TCF7L1: variants seen among roughly 807,000 people sequenced by gnomAD.
TCF7L1 encodes the protein transcription factor 7-like 1.
Under a neutral mutation model 63.7 loss-of-function variants are expected in TCF7L1, and 18 were observed. That is an observed-to-expected ratio of 0.28 (90% CI 0.20 to 0.42). TCF7L1 has a LOEUF of 0.42. Among genes scored for constraint, TCF7L1 ranks in the 10% least tolerant of loss-of-function variants. The probability of loss-of-function intolerance (pLI) is 1.00; values close to 1 mark genes in which losing one functional copy is unlikely to be tolerated. For missense variants in TCF7L1, 654 were observed against 779.3 expected (o/e 0.84, Z 1.91); for synonymous variants, 355 against 340.9 (o/e 1.04, Z -0.46).
At chr2:85,307,745 C>T (rs1315149426) in intron 11 of TCF7L1, 28 bp downstream of exon 11, 5 of 1,603,344 alleles carry the variant, frequency 3.1e-6, no homozygotes, top group Non-Finnish European at 4.3e-6. Flanking sequence ...GGCCTCTTCT[C>T]CTGCTTTTCC....
chr2:85,143,429 T>G (rs1677792322), intron 3 of TCF7L1, among the ~76,000 whole-genome samples: 1 of 151,986 alleles, frequency 6.6e-6, no homozygotes, highest in Admixed American at 6.6e-5. Context: ...CGGCTGCTCT[T>G]TTTGGCTGGT....
intron 3 of TCF7L1, among the ~76,000 whole-genome samples, chr2:85,274,826 C>T (rs569562365): frequency 1.2e-4 from 18 of 152,264 alleles, no homozygotes; most frequent in Non-Finnish European, 4.4e-5. Context: ...CCTAGAATAC[C>T]AATAACTTAC....
chr2:85,263,329 G>A (rs1680899551), intron 3 of TCF7L1, among the ~76,000 whole-genome samples: 1 of 148,102 alleles, frequency 6.8e-6, no homozygotes, highest in Non-Finnish European at 1.5e-5. Flanking sequence ...AGGGGGGGAA[G>A]TAATGCAATC....
intron 3 of TCF7L1, among the ~76,000 whole-genome samples, chr2:85,156,544 CTG>C (rs1678150759): frequency 6.6e-6 from 1 of 152,170 alleles, no homozygotes; most frequent in Non-Finnish European, 1.5e-5. Flanking sequence ...AAATGGGACT[CTG>C]TATGTATATG....
intron 3 of TCF7L1, among the ~76,000 whole-genome samples, chr2:85,144,717 C>G (rs71337779): frequency 0.15 from 14,502 of 98,328 alleles, 964 homozygotes; most frequent in East Asian, 0.39. Context: ...CTCTCTCTCT[C>G]TCTGTGTGTG....
At chr2:85,211,961 G>A (rs544656141) in intron 3 of TCF7L1, among the ~76,000 whole-genome samples, 1 of 151,804 alleles carries the variant, frequency 6.6e-6, no homozygotes, top group Admixed American at 6.6e-5. Context: ...GTGGTGGCAC[G>A]CGCCTGTAAT....
chr2:85,256,782 C>A (rs927274578), intron 3 of TCF7L1, among the ~76,000 whole-genome samples: 1 of 151,964 alleles, frequency 6.6e-6, no homozygotes, highest in Non-Finnish European at 1.5e-5. Context: ...GTCAGGAGTT[C>A]GAGACCAGCC....
intron 3 of TCF7L1, among the ~76,000 whole-genome samples, chr2:85,275,686 AGGC>A (rs1456627819): frequency 6.6e-6 from 1 of 152,082 alleles, no homozygotes; most frequent in Non-Finnish European, 1.5e-5. Flanking sequence ...TGGGAGGTGA[AGGC>A]GGGCAGATCA....
chr2:85,180,804 C>T (rs1678788667), intron 3 of TCF7L1, among the ~76,000 whole-genome samples: 1 of 152,176 alleles, frequency 6.6e-6, no homozygotes, highest in Non-Finnish European at 1.5e-5. Context: ...TGTCACTAGT[C>T]CCATTTATAG....
Position 85,302,483 on chromosome 2 carries a change from G to A in TCF7L1, c.526-1G>A. On this transcript the variant is annotated splice_acceptor_variant, in intron 4 of 11. Transcript: ENST00000282111. LOFTEE classifies it high-confidence loss of function. ...TTCCTGGTCTTTTTTGTCTCTTTCA[G>A]TCTAATAAAGTTCCTGTCGTTCAGC... 1 of 1,614,050 alleles carries A rather than the reference G, an allele frequency of 6.2e-7. No individual in the cohort carries two copies. Among genetic ancestry groups the A allele is most frequent in the Non-Finnish European group, 8.5e-7 (1 of 1,180,036 alleles).
intron 3 of TCF7L1, among the ~76,000 whole-genome samples, chr2:85,152,360 G>C (rs1440030870): frequency 6.6e-6 from 1 of 151,840 alleles, no homozygotes; most frequent in African/African-American, 2.4e-5. Flanking sequence ...ACTAGAGGTA[G>C]AATATAATAT....
chr2:85,217,964 C>G (rs944423830), intron 3 of TCF7L1, among the ~76,000 whole-genome samples: 4 of 152,060 alleles, frequency 2.6e-5, no homozygotes, highest in African/African-American at 9.7e-5. Context: ...CAGTTTTTAT[C>G]AAAATAATTT....
At chr2:85,203,113 G>A (rs1251334856) in intron 3 of TCF7L1, among the ~76,000 whole-genome samples, 1 of 152,150 alleles carries the variant, frequency 6.6e-6, no homozygotes, top group Non-Finnish European at 1.5e-5. Flanking sequence ...GGGATTACAG[G>A]CATGAGCCAC....
In TCF7L1 at chr2:85,167,957, A is replaced by G. The variant is rs1486680472; in HGVS notation, c.441+33507A>G. On this transcript the variant is annotated intron_variant, in intron 3 of 11. Transcript: ENST00000282111. ...ATGCTAAGTGAAATAAGCTAGTCAC[A>G]GGACAAATATTGTATGATTCTGCCT... Among the ~76,000 whole-genome samples, 5 of 152,206 alleles carry G rather than the reference A, an allele frequency of 3.3e-5. No individual in the cohort carries two copies. The East Asian group carries it at 9.6e-4, about 29-fold the overall frequency.
At chr2:85,180,892 G>T (rs986900522) in intron 3 of TCF7L1, among the ~76,000 whole-genome samples, 5 of 152,222 alleles carry the variant, frequency 3.3e-5, no homozygotes, top group Non-Finnish European at 7.3e-5. Context: ...TAGCTAGACC[G>T]CTTCCTCCCT....
At chr2:85,189,391 A>C (rs572375658) in intron 3 of TCF7L1, among the ~76,000 whole-genome samples, 1 of 152,254 alleles carries the variant, frequency 6.6e-6, no homozygotes, top group Non-Finnish European at 1.5e-5. Flanking sequence ...ACAGATGTAC[A>C]TGATGGGCAC....
chr2:85,305,381 A>C lies in TCF7L1; in HGVS notation c.967A>C (p.Ser323Arg). 1 of 1,612,332 alleles carries C rather than the reference A, an allele frequency of 6.2e-7. No individual in the cohort carries two copies. The highest frequency in any genetic ancestry group is 1.1e-5 in the South Asian group (1 of 90,904). Residue 323 changes from serine (S) to arginine (R), a missense_variant, in exon 8 of 12, where the codon AGC becomes CGC. This residue lies in a region of TCF7L1 where 404 missense variants were observed against 454.8 expected (regional missense o/e 0.89). Coordinates refer to ENST00000282111, the MANE Select transcript of TCF7L1 (RefSeq NM_031283.3). ...PIVKQEPAPP[S>R]LSPAVSVKSP... ...CGTCAAGCAGGAACCGGCACCCCCC[A>C]GCCTGAGCCCTGCAGTGAGCGTGTA...
chr2:85,283,650 C>T, intron 4 of TCF7L1, 72 bp downstream of exon 4: 4 of 1,518,368 alleles, frequency 2.6e-6, no homozygotes, highest in Non-Finnish European at 3.7e-6. Flanking sequence ...TGCCTTCTGC[C>T]ATCACGCTGA....
At chr2:85,254,296 G>C (rs1159278399) in intron 3 of TCF7L1, among the ~76,000 whole-genome samples, 2 of 152,246 alleles carry the variant, frequency 1.3e-5, no homozygotes, top group Non-Finnish European at 2.9e-5. Context: ...GTGTGAATTA[G>C]GGGGTCTTCT....
Sources: allele counts gnomAD v4.1 joint callset (sites outside exome capture counted in the v4.1 genomes callset), GRCh38; gene constraint gnomAD v4.1.1; regional missense constraint gnomAD v4.1.1; transcripts MANE v1.5; gene names NCBI Gene and HGNC (gene_info 2026-07-23, HGNC 2026-07-21).